The following KCNAB2 variants were observed in gnomAD, a reference collection of about 807,000 sequenced individuals.
KCNAB2 encodes the protein voltage-gated potassium channel subunit beta-2.
Under a neutral mutation model 63.6 loss-of-function variants are expected in KCNAB2, and 29 were observed. The ratio of observed to expected loss-of-function variants is 0.46; its 90% CI spans 0.34 to 0.62. KCNAB2 has a LOEUF of 0.62. Ranked by LOEUF, KCNAB2 falls within the 20% of genes least tolerant of loss-of-function variation. The probability of loss-of-function intolerance (pLI) is 0.01; values close to 1 mark genes in which losing one functional copy is unlikely to be tolerated. For synonymous variants in KCNAB2, 222 were observed against 224.2 expected (o/e 0.99, Z 0.09); for missense variants, 359 against 563.9 (o/e 0.64, Z 3.68).
exon 2 of KCNAB2, chr1:6,040,615 G>A (rs1199728328): frequency 1.1e-5 from 18 of 1,613,984 alleles, no homozygotes; most frequent in East Asian, 2.2e-5. Flanking sequence ...CTCTCGCTGC[G>A]GCAGACGGGC....
chr1:6,059,040 A>G (rs1009717977), intron 2 of KCNAB2, among the ~76,000 whole-genome samples: 1 of 151,946 alleles, frequency 6.6e-6, no homozygotes, highest in Non-Finnish European at 1.5e-5. Context: ...TCCCTCCCCC[A>G]CAGGGCTGCT....
chr1:6,018,060 A>G (rs1000586306), intron 1 of KCNAB2, among the ~76,000 whole-genome samples: 1 of 152,184 alleles, frequency 6.6e-6, no homozygotes, highest in Admixed American at 6.5e-5. Flanking sequence ...CTACAGGCAC[A>G]CACCTGTAAT....
At chr1:6,098,257 T>C in intron 15 of KCNAB2, 2 of 1,337,568 alleles carry the variant, frequency 1.5e-6, no homozygotes, top group South Asian at 3.4e-5. Flanking sequence ...CTAGGGCACC[T>C]TGACATTTGA....
Position 6,086,617 on chromosome 1 carries a change from G to T in KCNAB2, c.426-850G>T, listed in dbSNP as rs1268839327. Among the ~76,000 whole-genome samples, 1 of 152,158 alleles carries T rather than the reference G, an allele frequency of 6.6e-6. No homozygotes were observed. The highest frequency in any genetic ancestry group is 1.5e-5 in the Non-Finnish European group (1 of 68,016). ...GGGAAGTACTCCCTCCTCTGGGAGG[G>T]GTCAAGGTCAAACGTGGCTGGGAGG... On this transcript the variant is annotated intron_variant, in intron 6 of 15. Coordinates refer to ENST00000378083, the MANE Select transcript of KCNAB2 (RefSeq NM_001199862.2). This position sits in a 1 kb window ranked among gnomAD's most constrained non-coding sequence, Gnocchi z 4.2.
chr1:6,091,228 A>G, intron 9 of KCNAB2, 35 bp from the exon 10 acceptor site: 1 of 1,490,504 alleles, frequency 6.7e-7, no homozygotes, highest in Non-Finnish European at 9.0e-7. Flanking sequence ...CCAGCTATCA[A>G]CTCTGGTCTC....
At position 6,096,647 on chromosome 1, in the gene KCNAB2, G is replaced by A; in HGVS notation, c.960G>A (p.Trp320Ter). The A allele has an allele frequency of 6.2e-7, 1 of 1,610,780 alleles. No homozygotes were observed. The highest frequency in any genetic ancestry group is 8.5e-7 in the Non-Finnish European group (1 of 1,179,172). ...TCCCCCGCAACCAGGGCTACCAGTG[G>A]CTGAAGGACAAGATCCTCAGTGAGG... The part of the protein sequence containing the change: ...YSRASLKGYQ[W>*]LKDKILSEEG... The change falls in exon 14 of 16, where the codon TGG becomes TGA. Residue 320 changes from tryptophan to a stop codon, truncating the protein, a stop_gained. Coordinates refer to ENST00000378083, the MANE Select transcript of KCNAB2 (RefSeq NM_001199862.2). LOFTEE classifies it high-confidence loss of function. The surrounding 1 kb of genome is among the most constrained non-coding windows in gnomAD (Gnocchi z 5.9).
chr1:6,006,910 G>T (rs1348027681), intron 1 of KCNAB2, among the ~76,000 whole-genome samples: 1 of 151,986 alleles, frequency 6.6e-6, no homozygotes. Flanking sequence ...GTTGTCGAGG[G>T]ATCAGACAGC....
intron 2 of KCNAB2, among the ~76,000 whole-genome samples, chr1:6,063,159 A>G (rs1334457928): frequency 6.6e-6 from 1 of 151,566 alleles, no homozygotes; most frequent in Non-Finnish European, 1.5e-5. Context: ...AGCTGGGATT[A>G]CAGGCGCCCA....
At chr1:6,029,753 C>G (rs899695213), upstream of KCNAB2, among the ~76,000 whole-genome samples, 1 of 152,214 alleles carries the variant, frequency 6.6e-6, no homozygotes, top group African/African-American at 2.4e-5. Context: ...AGAGCCAGTG[C>G]CAACTCCAAA....
chr1:6,049,587 T>C (rs1661220070), intron 1 of KCNAB2, among the ~76,000 whole-genome samples: 2 of 152,192 alleles, frequency 1.3e-5, no homozygotes, highest in South Asian at 4.1e-4. Context: ...GACTGGTTGC[T>C]CGCCTTTAGG....
At chr1:6,095,772 C>T (rs1012712414) in intron 13 of KCNAB2, 148 bp downstream of exon 13, 10 of 732,672 alleles carry the variant, frequency 1.4e-5, no homozygotes, top group African/African-American at 3.4e-5. Flanking sequence ...GGCTCCTTGG[C>T]GTGAGAACAT....
At position 6,086,861 on chromosome 1, in the gene KCNAB2, C is replaced by T. The variant is rs1350536047; in HGVS notation, c.426-606C>T. On this transcript the variant is annotated intron_variant, in intron 6 of 15. Transcript: ENST00000378083. The surrounding 1 kb of genome is among the most constrained non-coding windows in gnomAD (Gnocchi z 4.2). ...CCCTCCTTTGGTGCCCCCCAAGTTACCCCGACCAGGCCGTCCTTATGCCTC... is the reference window on the plus strand; with the variant it reads ...CCCTCCTTTGGTGCCCCCCAAGTTATCCCGACCAGGCCGTCCTTATGCCTC... 6.6e-6 allele frequency among the ~76,000 whole-genome samples: 1 copy of T among 151,810 alleles called. No homozygotes were observed. Among genetic ancestry groups the T allele is most frequent in the Non-Finnish European group, 1.5e-5 (1 of 67,936 alleles).
Position 6,035,204 on chromosome 1 carries a change from A to AC in KCNAB2, c.-53+415dup, listed in dbSNP as rs34165839. 0.22 allele frequency among the ~76,000 whole-genome samples: 33,988 copies of AC among 151,580 alleles called. 4,282 individuals carry two copies. Among genetic ancestry groups the AC allele is most frequent in the East Asian group, 0.34 (1,733 of 5,128 alleles). On this transcript the variant is annotated intron_variant, in intron 1 of 15. Coordinates refer to the KCNAB2 transcript ENST00000164247. The surrounding 1 kb of genome is among the most constrained non-coding windows in gnomAD (Gnocchi z 5.0). ...GTGAGTCTGTCTGCTGGGTTCACAG[A>AC]CCCCCAGGGAGCCAGTGTGGCAGGG...
intron 4 of KCNAB2, among the ~76,000 whole-genome samples, chr1:6,075,059 A>G (rs1228781658): frequency 6.6e-6 from 1 of 152,088 alleles, no homozygotes; most frequent in African/African-American, 2.4e-5. Flanking sequence ...TTATTAAGGC[A>G]AAAGGAATTG....
chr1:6,085,040 C>G (rs1664575269), intron 5 of KCNAB2, among the ~76,000 whole-genome samples, 164 bp from the exon 6 acceptor site: 2 of 152,230 alleles, frequency 1.3e-5, no homozygotes, highest in South Asian at 4.1e-4. Flanking sequence ...TCGGGCCAAC[C>G]CTGTCTGTGG....
In KCNAB2 at chr1:6,074,817, T is replaced by C. The variant is rs947465428; in HGVS notation, c.300+1047T>C. 2.6e-5 allele frequency among the ~76,000 whole-genome samples: 4 copies of C among 151,606 alleles called. No individual in the cohort carries two copies. The highest frequency in any genetic ancestry group is 7.3e-5 in the African/African-American group (3 of 41,230). Reference sequence around the variant, plus strand: ...TAAAAATACAAAAATTAGCTGGGCGTGGTAGGGGCGCCTGTAATCCCAGCT... The same window carrying C: ...TAAAAATACAAAAATTAGCTGGGCGCGGTAGGGGCGCCTGTAATCCCAGCT... On this transcript the variant is annotated intron_variant, in intron 4 of 15. Coordinates refer to ENST00000378083, the MANE Select transcript of KCNAB2 (RefSeq NM_001199862.2). This position sits in a 1 kb window ranked among gnomAD's most constrained non-coding sequence, Gnocchi z 4.9.
At chr1:6,075,668 C>T (rs572786787) in intron 4 of KCNAB2, among the ~76,000 whole-genome samples, 3 of 152,324 alleles carry the variant, frequency 2.0e-5, no homozygotes, top group East Asian at 3.9e-4. Context: ...CGGCTCAGTC[C>T]GAGCCAGCAG....
intron 2 of KCNAB2, among the ~76,000 whole-genome samples, chr1:6,063,313 G>C (rs139254341): frequency 6.6e-6 from 1 of 151,522 alleles, no homozygotes; most frequent in Non-Finnish European, 1.5e-5. Context: ...GTGAGCCACC[G>C]TGGATATTTC....
chr1:6,004,527 C>T (rs1005920932), intron 1 of KCNAB2, among the ~76,000 whole-genome samples: 14 of 152,044 alleles, frequency 9.2e-5, no homozygotes, highest in South Asian at 2.1e-4. Context: ...TTCCAGGCCT[C>T]GCTCCTGGTT....
Sources: allele counts gnomAD v4.1 joint callset (sites outside exome capture counted in the v4.1 genomes callset), GRCh38; gene constraint gnomAD v4.1.1; non-coding constraint Gnocchi (gnomAD v3.1); transcripts MANE v1.5; gene names NCBI Gene and HGNC (gene_info 2026-07-23, HGNC 2026-07-21).